SHC3: variants seen among roughly 807,000 people sequenced by gnomAD.
SHC3 encodes SHC adaptor protein 3.
A neutral mutation model predicts 60.4 loss-of-function variants in SHC3; 15 were observed. The ratio of observed to expected loss-of-function variants is 0.25; its 90% CI spans 0.17 to 0.38. The LOEUF (loss-of-function observed/expected upper bound fraction) is 0.38, where lower values mean the gene tolerates loss of function less well. SHC3 is among the 10% of genes least tolerant of loss of function. The pLI, the probability that SHC3 is intolerant of heterozygous loss-of-function variation, is 1.00. For synonymous variants in SHC3, 294 were observed against 325.9 expected (o/e 0.90, Z 1.05); for missense variants, 677 against 786.1 (o/e 0.86, Z 1.66).
intron 6 of SHC3, among the ~76,000 whole-genome samples, chr9:89,053,801 C>G (rs1051868672): frequency 3.9e-5 from 6 of 152,204 alleles, no homozygotes; most frequent in African/African-American, 1.4e-4. Context: ...GCAGCTGTTA[C>G]AGTTGTGCAG....
intron 1 of SHC3, among the ~76,000 whole-genome samples, chr9:89,148,241 T>C (rs914587674): frequency 6.6e-6 from 1 of 152,218 alleles, no homozygotes; most frequent in Non-Finnish European, 1.5e-5. Flanking sequence ...CGCGATTAAA[T>C]AGGCCTTCCC....
At chr9:89,127,072 A>G (rs943298743) in intron 1 of SHC3, among the ~76,000 whole-genome samples, 6 of 152,188 alleles carry the variant, frequency 3.9e-5, no homozygotes, top group African/African-American at 1.4e-4. Flanking sequence ...GACTCCTGGG[A>G]AAAGCAATGG....
rs564989863 is a variant in SHC3, at chr9:89,011,198, A to T, written c.*2249T>A. ...AAAAAATTCGACTCCAATACTTTAA[A>T]TTTTCTAAATTGATTCTCATGCAAA... On this transcript the variant is annotated 3_prime_UTR_variant, in exon 12 of 12. Coordinates refer to ENST00000375835, the MANE Select transcript of SHC3 (RefSeq NM_016848.6). The T allele has an allele frequency of 1.3e-5, 2 of 152,174 alleles. No homozygotes were observed. Among genetic ancestry groups the T allele is most frequent in the African/African-American group, 4.8e-5 (2 of 41,452 alleles). 9.4% of individuals were successfully genotyped at this position (152,174 alleles called of 1,614,324 possible).
chr9:89,028,750 ATTCTCTC>A (rs1824417791), intron 11 of SHC3, among the ~76,000 whole-genome samples: 1 of 145,862 alleles, frequency 6.9e-6, no homozygotes, highest in Admixed American at 6.9e-5. Flanking sequence ...ATAGATATAT[ATTCTCTC>A]TATATATATA....
intron 8 of SHC3, among the ~76,000 whole-genome samples, chr9:89,046,399 G>A (rs539109994): frequency 6.6e-6 from 1 of 152,170 alleles, no homozygotes; most frequent in East Asian, 1.9e-4. Flanking sequence ...GAAAGCAATT[G>A]CCTTACTAGA....
chr9:89,083,756 G>A (rs533990923), intron 2 of SHC3, among the ~76,000 whole-genome samples: 37 of 152,300 alleles, frequency 2.4e-4, no homozygotes, highest in African/African-American at 8.4e-4. Context: ...TCTTGGGGAC[G>A]GCCTCTCTCT....
intron 1 of SHC3, among the ~76,000 whole-genome samples, chr9:89,145,779 G>A (rs1826459801): frequency 1.3e-5 from 2 of 152,108 alleles, no homozygotes; most frequent in African/African-American, 2.4e-5. Flanking sequence ...AAAGTCCTCG[G>A]GAATAGGGGA....
At chr9:89,056,045 A>G (rs907027385) in intron 6 of SHC3, among the ~76,000 whole-genome samples, 1 of 152,338 alleles carries the variant, frequency 6.6e-6, no homozygotes, top group Non-Finnish European at 1.5e-5. Context: ...AGACACAACC[A>G]CATTAGGTGT....
At chr9:89,059,741 ACG>A (rs1825043523) in intron 6 of SHC3, among the ~76,000 whole-genome samples, 2 of 54,714 alleles carry the variant, frequency 3.7e-5, no homozygotes, top group East Asian at 1.0e-3. Context: ...GTGGTGGAGG[ACG>A]TGGTGGAGGA....
intron 5 of SHC3, among the ~76,000 whole-genome samples, chr9:89,069,543 A>C (rs539250664): frequency 1.3e-5 from 2 of 152,028 alleles, no homozygotes; most frequent in East Asian, 3.9e-4. Flanking sequence ...TCTCAGGGCT[A>C]AACAGTGCTC....
At chr9:89,113,168 G>T (rs1015934297) in intron 1 of SHC3, among the ~76,000 whole-genome samples, 1 of 152,094 alleles carries the variant, frequency 6.6e-6, no homozygotes, top group African/African-American at 2.4e-5. Context: ...ATTTACTTTG[G>T]TTTACCAGAT....
chr9:89,069,800 G>A (rs1358260171), intron 5 of SHC3, among the ~76,000 whole-genome samples: 1 of 152,258 alleles, frequency 6.6e-6, no homozygotes, highest in African/African-American at 2.4e-5. Context: ...CTTCCCTGTT[G>A]CTGAGATTCG....
At chr9:89,035,291 A>C (rs944472128) in intron 11 of SHC3, among the ~76,000 whole-genome samples, 1 of 152,158 alleles carries the variant, frequency 6.6e-6, no homozygotes, top group Non-Finnish European at 1.5e-5. Flanking sequence ...ATTAATCTAC[A>C]TACATTCATT....
intron 2 of SHC3, among the ~76,000 whole-genome samples, chr9:89,105,337 A>C (rs1825842805): frequency 6.6e-6 from 1 of 152,204 alleles, no homozygotes; most frequent in Non-Finnish European, 1.5e-5. Context: ...CTGGTCTCAG[A>C]CAATTTGCAT....
chr9:89,168,170 T>C (rs1355413259), intron 1 of SHC3, among the ~76,000 whole-genome samples: 1 of 152,192 alleles, frequency 6.6e-6, no homozygotes, highest in Non-Finnish European at 1.5e-5. Context: ...AATTTGAAAA[T>C]GTTTCTCTAT....
chr9:89,148,455 C>T (rs1320724465), intron 1 of SHC3, among the ~76,000 whole-genome samples: 1 of 152,226 alleles, frequency 6.6e-6, no homozygotes, highest in Non-Finnish European at 1.5e-5. Flanking sequence ...GAAAAGAAGA[C>T]TATATAGCAC....
chr9:89,017,569 T>A (rs1308914361), intron 11 of SHC3, among the ~76,000 whole-genome samples: 1 of 152,138 alleles, frequency 6.6e-6, no homozygotes, highest in Non-Finnish European at 1.5e-5. Context: ...AGGCAATACA[T>A]TCAGGACAAA....
chr9:89,042,689 A>G, intron 9 of SHC3, among the ~76,000 whole-genome samples: 1 of 152,162 alleles, frequency 6.6e-6, no homozygotes, highest in East Asian at 1.9e-4. Context: ...TTCCTTATAA[A>G]ATAGGGCTGC....
chr9:89,087,705 C>A (rs1825554790), intron 2 of SHC3, among the ~76,000 whole-genome samples: 1 of 152,222 alleles, frequency 6.6e-6, no homozygotes, highest in Admixed American at 6.5e-5. Flanking sequence ...CACCAACCAA[C>A]TGAACTGACC....
Sources: gnomAD v4.1 joint callset for allele counts (sites outside exome capture counted in the v4.1 genomes callset) on GRCh38, gnomAD v4.1.1 for gene constraint, MANE v1.5 for transcripts, NCBI Gene and HGNC (gene_info 2026-07-23, HGNC 2026-07-21) for gene names.